Variants in MAPK8 observed in about 807,000 individuals in gnomAD.
MAPK8 encodes the protein JUN N-terminal kinase.
In MAPK8, 13 loss-of-function variants were observed where a neutral mutation model predicts 52.9. The observed-to-expected ratio is 0.25, with a 90% CI of 0.16 to 0.39. The LOEUF (loss-of-function observed/expected upper bound fraction) is 0.39. Among genes scored for constraint, MAPK8 ranks in the 10% least tolerant of loss-of-function variants. MAPK8 has a pLI of 1.00. For synonymous variants in MAPK8, 191 were observed against 169.8 expected (o/e 1.12, Z -0.97); for missense variants, 300 against 519.2 (o/e 0.58, Z 4.10).
chr10:48,419,683 A>T lies in MAPK8; in HGVS notation c.451-472A>T, dbSNP rs377090081. The stretch of plus-strand genomic sequence containing the variant: ...AACTGGGTATCTGCCAGTCTAAAAG[A>T]TCAAATAACATTTGTTAGGATTGAC... On this transcript the variant is annotated intron_variant, in intron 5 of 11. Coordinates refer to ENST00000374189, the MANE Select transcript of MAPK8 (RefSeq NM_001323329.2). Among the ~76,000 whole-genome samples, 9 of 152,346 alleles carry T rather than the reference A, an allele frequency of 5.9e-5. No individual in the cohort carries two copies. In the East Asian group the frequency reaches 1.5e-3, roughly 26 times the overall value.
At chr10:48,352,582 A>C (rs749997847) in intron 1 of MAPK8, among the ~76,000 whole-genome samples, 9 of 152,226 alleles carry the variant, frequency 5.9e-5, no homozygotes, top group Non-Finnish European at 1.2e-4. Context: ...ATTTATGATT[A>C]AAACTCTTAG....
intron 1 of MAPK8, among the ~76,000 whole-genome samples, chr10:48,345,661 C>A (rs1486974909): frequency 2.6e-5 from 4 of 152,176 alleles, no homozygotes; most frequent in African/African-American, 7.2e-5. Flanking sequence ...CTGGACATTA[C>A]ATTTAAAAAC....
At chr10:48,401,050 G>A (rs1390473540) in intron 1 of MAPK8, among the ~76,000 whole-genome samples, 2 of 152,148 alleles carry the variant, frequency 1.3e-5, no homozygotes, top group Non-Finnish European at 2.9e-5. Context: ...TGTTACACCA[G>A]GAGGTTGCCT....
chr10:48,392,182 T>C (rs557526537), intron 1 of MAPK8, among the ~76,000 whole-genome samples: 1 of 152,282 alleles, frequency 6.6e-6, no homozygotes, highest in East Asian at 1.9e-4. Context: ...TGTGCAGCAT[T>C]CCTTTCTCAA....
chr10:48,403,176 C>A (rs2042246804), intron 2 of MAPK8, among the ~76,000 whole-genome samples: 1 of 152,070 alleles, frequency 6.6e-6, no homozygotes, highest in African/African-American at 2.4e-5. Flanking sequence ...AAATTCAGAG[C>A]AAGCCGGGCG....
intron 1 of MAPK8, among the ~76,000 whole-genome samples, chr10:48,344,324 G>A (rs1315177609): frequency 6.6e-6 from 1 of 152,140 alleles, no homozygotes; most frequent in Non-Finnish European, 1.5e-5. Context: ...TGTTTTTAGT[G>A]CTATTTATAA....
At chr10:48,307,575 A>C (rs922222804) in intron 1 of MAPK8, among the ~76,000 whole-genome samples, 1 of 152,186 alleles carries the variant, frequency 6.6e-6, no homozygotes, top group African/African-American at 2.4e-5. Context: ...GGTAGAACCA[A>C]GTCCATTTTA....
chr10:48,339,554 A>G (rs1034728293), intron 1 of MAPK8, among the ~76,000 whole-genome samples: 3 of 152,208 alleles, frequency 2.0e-5, no homozygotes, highest in African/African-American at 7.2e-5. Context: ...AGCAAATGCA[A>G]CAAAAACAAA....
At chr10:48,379,679 A>T (rs891431259) in intron 1 of MAPK8, among the ~76,000 whole-genome samples, 1 of 152,176 alleles carries the variant, frequency 6.6e-6, no homozygotes, top group South Asian at 2.1e-4. Context: ...TGATTAAAAA[A>T]TCATTTCAGT....
chr10:48,396,813 T>C (rs2041910063), intron 1 of MAPK8, among the ~76,000 whole-genome samples: 1 of 152,218 alleles, frequency 6.6e-6, no homozygotes, highest in Non-Finnish European at 1.5e-5. Context: ...TTCCCTATTA[T>C]AAAAATACGG....
intron 1 of MAPK8, among the ~76,000 whole-genome samples, chr10:48,313,147 C>G (rs1842134657): frequency 6.6e-6 from 1 of 152,140 alleles, no homozygotes; most frequent in Non-Finnish European, 1.5e-5. Flanking sequence ...AAAATACAGA[C>G]ATAGGCCAGG....
At chr10:48,426,534 A>G (rs2043693774) in intron 9 of MAPK8, 30 bp downstream of exon 9, 2 of 1,590,268 alleles carry the variant, frequency 1.3e-6, no homozygotes, top group Non-Finnish European at 1.7e-6. Flanking sequence ...TTTACAGAAC[A>G]TATTGCATTC....
At chr10:48,333,835 A>G (rs963265640) in intron 1 of MAPK8, among the ~76,000 whole-genome samples, 1 of 152,220 alleles carries the variant, frequency 6.6e-6, no homozygotes, top group Non-Finnish European at 1.5e-5. Context: ...GCCAAACAGT[A>G]TCTGTGGCCT....
chr10:48,325,847 A>T (rs948287195), intron 1 of MAPK8: 1 of 152,148 alleles, frequency 6.6e-6, no homozygotes, highest in African/African-American at 2.4e-5. Context: ...CTGCTCAAAT[A>T]TTTTGTAGGA....
Position 48,435,331 on chromosome 10 carries a change from AT to A in MAPK8, c.*309del, listed in dbSNP as rs1164446541. 8 of 252,602 alleles carry A rather than the reference AT, an allele frequency of 3.2e-5. No homozygotes were observed. In the South Asian group the frequency reaches 1.0e-3, roughly 32 times the overall value. The allele number at this position is 252,602 out of a possible 1,614,324, so 15.6% of individuals were successfully genotyped here. On this transcript the variant is annotated 3_prime_UTR_variant, in exon 12 of 12. Coordinates refer to ENST00000374189, the MANE Select transcript of MAPK8 (RefSeq NM_001323329.2). ...ATATTTGCTTTATCTTATGCTGCTG[AT>A]TTTTTTAACTGAATTTGTAAGATTT...
intron 1 of MAPK8, among the ~76,000 whole-genome samples, chr10:48,319,269 G>A (rs1355636058): frequency 6.6e-6 from 1 of 152,134 alleles, no homozygotes; most frequent in African/African-American, 2.4e-5. Flanking sequence ...TACCATTATA[G>A]TTATCTATTT....
intron 1 of MAPK8, among the ~76,000 whole-genome samples, chr10:48,340,114 A>G (rs1004418453): frequency 2.0e-4 from 30 of 152,218 alleles, no homozygotes; most frequent in Non-Finnish European, 2.9e-4. Flanking sequence ...TGTTTGTTGC[A>G]TGCAGCACTA....
intron 1 of MAPK8, among the ~76,000 whole-genome samples, chr10:48,364,474 G>C (rs565542525): frequency 6.6e-6 from 1 of 151,756 alleles, no homozygotes; most frequent in Non-Finnish European, 1.5e-5. Context: ...AATATTTTAT[G>C]CTTATGGCTT....
At chr10:48,365,313 G>A (rs1192861559) in intron 1 of MAPK8, among the ~76,000 whole-genome samples, 1 of 152,128 alleles carries the variant, frequency 6.6e-6, no homozygotes, top group Non-Finnish European at 1.5e-5. Context: ...TTCTGGCTCT[G>A]TTGTCTTTGT....
Sources: gnomAD v4.1 joint callset for allele counts (sites outside exome capture counted in the v4.1 genomes callset) on GRCh38, gnomAD v4.1.1 for gene constraint, MANE v1.5 for transcripts, NCBI Gene and HGNC (gene_info 2026-07-23, HGNC 2026-07-21) for gene names.